The following NCALD variants were observed in gnomAD, a reference collection of about 807,000 sequenced individuals.
NCALD encodes the protein neurocalcin-delta.
In NCALD, 10 loss-of-function variants were observed where a neutral mutation model predicts 18.6. That is an observed-to-expected ratio of 0.54 (90% CI 0.33 to 0.91). NCALD has a LOEUF of 0.91. Among genes scored for constraint, NCALD ranks in the 40% least tolerant of loss-of-function variants. NCALD has a pLI of 0.03. For synonymous variants in NCALD, 88 were observed against 87.4 expected (o/e 1.01, Z -0.04); for missense variants, 184 against 247.6 (o/e 0.74, Z 1.72).
chr8:102,002,941 G>T (rs1345816399), intron 2 of NCALD, among the ~76,000 whole-genome samples: 3 of 151,992 alleles, frequency 2.0e-5, no homozygotes, highest in Non-Finnish European at 4.4e-5. Flanking sequence ...ATCTAAAATT[G>T]ACACCCTAAC....
At chr8:101,966,990 T>C (rs933469890) in intron 2 of NCALD, among the ~76,000 whole-genome samples, 1 of 152,206 alleles carries the variant, frequency 6.6e-6, no homozygotes, top group African/African-American at 2.4e-5. Context: ...ATATTCATGA[T>C]GCTAATTTTA....
intron 1 of NCALD, among the ~76,000 whole-genome samples, chr8:101,782,263 C>T (rs949489622): frequency 4.6e-5 from 7 of 152,044 alleles, no homozygotes; most frequent in South Asian, 2.1e-4. Context: ...AGTTACACAG[C>T]TTTGCCTACG....
At chr8:101,971,768 C>G (rs34096273) in intron 2 of NCALD, among the ~76,000 whole-genome samples, 85 of 152,118 alleles carry the variant, frequency 5.6e-4, no homozygotes, top group Non-Finnish European at 1.1e-3. Context: ...TGATGGCTGA[C>G]ATGGCTTAAT....
chr8:101,965,142 A>G (rs1443842669), intron 2 of NCALD, among the ~76,000 whole-genome samples: 1 of 152,236 alleles, frequency 6.6e-6, no homozygotes, highest in East Asian at 1.9e-4. Context: ...GTAGAGAAAT[A>G]GGAACACTTT....
chr8:101,689,301 C>T lies in NCALD; in HGVS notation c.*8G>A, dbSNP rs759035192. The stretch of plus-strand genomic sequence containing the variant: ...GCAGCTCTACAATTCGATTGGTGGG[C>T]GCAGGGCTCAGAACTGGCCGGCACT... On this transcript the variant is annotated 3_prime_UTR_variant, in exon 4 of 4. Coordinates refer to ENST00000220931, the MANE Select transcript of NCALD (RefSeq NM_032041.3). This position sits in a 1 kb window ranked among gnomAD's most constrained non-coding sequence, Gnocchi z 4.4. 3.2e-5 allele frequency: 52 copies of T among 1,612,944 alleles called. No individual in the cohort carries two copies. Among genetic ancestry groups the T allele is most frequent in the African/African-American group, 9.4e-5 (7 of 74,860 alleles).
intron 2 of NCALD, among the ~76,000 whole-genome samples, chr8:101,920,497 T>C (rs1284828042): frequency 6.6e-6 from 1 of 152,114 alleles, no homozygotes; most frequent in African/African-American, 2.4e-5. Context: ...CAATGGTGAA[T>C]TAGATTAAAA....
intron 4 of NCALD, among the ~76,000 whole-genome samples, chr8:101,842,631 T>C (rs1814691346): frequency 6.6e-6 from 1 of 152,224 alleles, no homozygotes; most frequent in Non-Finnish European, 1.5e-5. Flanking sequence ...GGAAGGGGGC[T>C]GTGCCAGTGA....
At chr8:101,726,319 A>C (rs1490409977) in intron 1 of NCALD, among the ~76,000 whole-genome samples, 1 of 152,156 alleles carries the variant, frequency 6.6e-6, no homozygotes, top group Admixed American at 6.5e-5. Context: ...GAGTAAGCTA[A>C]AGAGGAAAAG....
chr8:102,083,340 C>T (rs1010998664), intron 1 of NCALD, among the ~76,000 whole-genome samples: 4 of 152,160 alleles, frequency 2.6e-5, no homozygotes, highest in Non-Finnish European at 5.9e-5. Flanking sequence ...ATAAGCAGAC[C>T]ATTCTAGAAC....
intron 1 of NCALD, among the ~76,000 whole-genome samples, chr8:102,050,466 T>C (rs2132218481): frequency 6.6e-6 from 1 of 150,988 alleles, no homozygotes; most frequent in East Asian, 1.9e-4. Flanking sequence ...AAGGTTGTTA[T>C]TTACTATATG....
chr8:102,079,292 T>A (rs1475203057), intron 1 of NCALD, among the ~76,000 whole-genome samples: 4 of 152,208 alleles, frequency 2.6e-5, no homozygotes, highest in African/African-American at 9.6e-5. Flanking sequence ...ATTTGTTTCT[T>A]TTCTAACCCC....
At chr8:101,693,786 G>T (rs1814859068) in intron 2 of NCALD, 1 of 152,178 alleles carries the variant, frequency 6.6e-6, no homozygotes, top group Non-Finnish European at 1.5e-5. Flanking sequence ...TGTTTCCCCA[G>T]GCAGACTTCT....
chr8:102,057,441 A>T (rs1823693804), intron 1 of NCALD, among the ~76,000 whole-genome samples: 3 of 152,236 alleles, frequency 2.0e-5, no homozygotes, highest in Admixed American at 1.3e-4. Flanking sequence ...GAAGGTTTGT[A>T]ATACACAACT....
chr8:101,777,244 C>T (rs149057500), intron 1 of NCALD, among the ~76,000 whole-genome samples: 1 of 152,320 alleles, frequency 6.6e-6, no homozygotes, highest in Non-Finnish European at 1.5e-5. Flanking sequence ...GTGTTGGGTA[C>T]TTAATCCCAG....
intron 4 of NCALD, among the ~76,000 whole-genome samples, chr8:101,804,428 T>G (rs1382324076): frequency 7.6e-6 from 1 of 132,252 alleles, no homozygotes; most frequent in Non-Finnish European, 1.5e-5. Context: ...TATTTATAAC[T>G]GTAATATATA....
intron 2 of NCALD, among the ~76,000 whole-genome samples, chr8:102,017,940 C>G (rs148541102): frequency 1.2e-4 from 19 of 152,174 alleles, no homozygotes; most frequent in Non-Finnish European, 2.1e-4. Flanking sequence ...ATGATTTGAA[C>G]AGACACTTTA....
chr8:102,063,177 G>T (rs532168915), intron 1 of NCALD, among the ~76,000 whole-genome samples: 5 of 152,160 alleles, frequency 3.3e-5, no homozygotes, highest in Non-Finnish European at 7.3e-5. Flanking sequence ...CTGAAACTAA[G>T]TTGCTGCTTT....
intron 4 of NCALD, among the ~76,000 whole-genome samples, chr8:101,813,098 C>T (rs1156476838): frequency 6.6e-6 from 1 of 152,012 alleles, no homozygotes; most frequent in Non-Finnish European, 1.5e-5. Context: ...AAGACACAGA[C>T]CTTGGCCTCA....
intron 1 of NCALD, among the ~76,000 whole-genome samples, chr8:102,048,110 A>G (rs1337755932): frequency 1.3e-5 from 2 of 152,182 alleles, no homozygotes; most frequent in Non-Finnish European, 2.9e-5. Context: ...ATAAAAATAT[A>G]ATTAATTAAC....
Sources: gnomAD v4.1 joint callset for allele counts (sites outside exome capture counted in the v4.1 genomes callset) on GRCh38, gnomAD v4.1.1 for gene constraint, Gnocchi (gnomAD v3.1) non-coding constraint, MANE v1.5 for transcripts, NCBI Gene and HGNC (gene_info 2026-07-23, HGNC 2026-07-21) for gene names.